Variants in NRXN1 observed in about 807,000 individuals in gnomAD.
The protein encoded by NRXN1 is neurexin 1.
In NRXN1, 39 loss-of-function variants were observed where a neutral mutation model predicts 150.9. The ratio of observed to expected loss-of-function variants is 0.26; its 90% CI spans 0.20 to 0.34. The LOEUF (loss-of-function observed/expected upper bound fraction) is 0.34. NRXN1 is among the 10% of genes least tolerant of loss of function. The pLI, the probability that NRXN1 is intolerant of heterozygous loss-of-function variation, is 1.00. For missense variants in NRXN1, 1,815 were observed against 1,949.9 expected, an observed-to-expected ratio of 0.93 and a Z score of 1.30; for synonymous variants, 924 against 757.0, an observed-to-expected ratio of 1.22 and a Z score of -3.62.
intron 5 of NRXN1, among the ~76,000 whole-genome samples, chr2:50,626,633 C>T (rs961541317): frequency 2.0e-5 from 3 of 151,796 alleles, no homozygotes; most frequent in Middle Eastern, 6.8e-3. Flanking sequence ...CATGGATGCC[C>T]GATTTAATTT....
At chr2:50,199,342 G>A (rs2061995524) in intron 18 of NRXN1, 1 of 151,898 alleles carries the variant, frequency 6.6e-6, no homozygotes, top group Non-Finnish European at 1.5e-5. Context: ...TTTGAAACCA[G>A]GTTTGCTTCT....
At chr2:50,354,235 T>C (rs2078627161) in intron 17 of NRXN1, among the ~76,000 whole-genome samples, 1 of 152,140 alleles carries the variant, frequency 6.6e-6, no homozygotes, top group Admixed American at 6.6e-5. Flanking sequence ...AAATTCTCTT[T>C]ACTACAGTTA....
At chr2:50,785,884 ATCCTGAATCTATTTTCAT>A (rs1705048226) in intron 5 of NRXN1, among the ~76,000 whole-genome samples, 1 of 152,070 alleles carries the variant, frequency 6.6e-6, no homozygotes, top group South Asian at 2.1e-4. Context: ...CTACTATTAT[ATCCTGAATCTATTTTCAT>A]TCCTGAAGTC....
intron 19 of NRXN1, among the ~76,000 whole-genome samples, chr2:50,088,647 A>G (rs1276167748): frequency 2.6e-5 from 4 of 152,214 alleles, no homozygotes; most frequent in Non-Finnish European, 5.9e-5. Flanking sequence ...GCTCATTTCT[A>G]TTTTTAAACA....
intron 18 of NRXN1, among the ~76,000 whole-genome samples, chr2:50,172,456 G>A (rs1250328619): frequency 1.3e-5 from 2 of 152,052 alleles, no homozygotes; most frequent in Non-Finnish European, 2.9e-5. Context: ...ATGGACAACA[G>A]AGATGAACCA....
At chr2:50,032,749 T>C (rs1308447985) in intron 21 of NRXN1, among the ~76,000 whole-genome samples, 1 of 151,880 alleles carries the variant, frequency 6.6e-6, no homozygotes, top group African/African-American at 2.4e-5. Context: ...AGAGCTCTTT[T>C]TCCCTGTACA....
At chr2:50,305,546 T>C (rs2074538076) in intron 17 of NRXN1, among the ~76,000 whole-genome samples, 2 of 152,202 alleles carry the variant, frequency 1.3e-5, no homozygotes, top group South Asian at 4.1e-4. Flanking sequence ...GGCCAATGGA[T>C]TCAAAATACT....
chr2:50,583,668 G>A (rs1453024130), intron 8 of NRXN1, among the ~76,000 whole-genome samples: 1 of 152,138 alleles, frequency 6.6e-6, no homozygotes, highest in African/African-American at 2.4e-5. Context: ...ACCCGAAGTG[G>A]TACAGGCATT....
chr2:50,785,272 G>C (rs1174230766), intron 5 of NRXN1, among the ~76,000 whole-genome samples: 1 of 129,660 alleles, frequency 7.7e-6, no homozygotes, highest in African/African-American at 2.8e-5. Flanking sequence ...TTTTTGAGAC[G>C]GAGTCTCATT....
At chr2:50,827,798 G>A (rs990477262) in intron 5 of NRXN1, among the ~76,000 whole-genome samples, 1 of 150,546 alleles carries the variant, frequency 6.6e-6, no homozygotes. Context: ...TTAGGGAGTG[G>A]TGATGACTCT....
chr2:50,850,127 G>A lies in NRXN1; in HGVS notation c.832+71742C>T, dbSNP rs1056703544. 1.3e-5 allele frequency among the ~76,000 whole-genome samples: 2 copies of A among 152,062 alleles called. 1 individual carries two copies. Among genetic ancestry groups the A allele is most frequent in the South Asian group, 4.1e-4 (2 of 4,824 alleles). ...TGGTCCCAGCCACTGGAGAGGCTGA[G>A]GCAGGCAGTAGGATCACTTGAGCCC... is the stretch of plus-strand genomic sequence containing the variant. On this transcript the variant is annotated intron_variant, in intron 5 of 22. Coordinates refer to ENST00000401669, the MANE Select transcript of NRXN1 (RefSeq NM_001330078.2).
chr2:50,783,486 C>A (rs1704629896), intron 5 of NRXN1, among the ~76,000 whole-genome samples: 1 of 152,078 alleles, frequency 6.6e-6, no homozygotes, highest in Non-Finnish European at 1.5e-5. Context: ...GAGAATAAAA[C>A]AAAATCATAG....
chr2:50,589,419 T>G (rs1481125928), intron 8 of NRXN1: 1 of 152,236 alleles, frequency 6.6e-6, no homozygotes, highest in Admixed American at 6.5e-5. Flanking sequence ...CCGTTCCAGG[T>G]GGACATGGCT....
At chr2:50,831,083 C>T (rs900750933) in intron 5 of NRXN1, among the ~76,000 whole-genome samples, 4 of 152,136 alleles carry the variant, frequency 2.6e-5, no homozygotes, top group African/African-American at 9.7e-5. Context: ...TTTATCCTTT[C>T]GGTTACAAAC....
chr2:50,893,917 A>G (rs1158499598), intron 5 of NRXN1, among the ~76,000 whole-genome samples: 5 of 152,052 alleles, frequency 3.3e-5, no homozygotes, highest in Non-Finnish European at 2.9e-5. Flanking sequence ...CCATGTCCCT[A>G]CAAAGGACAT....
At chr2:50,477,587 T>A (rs1287964130) in intron 15 of NRXN1, among the ~76,000 whole-genome samples, 2 of 152,232 alleles carry the variant, frequency 1.3e-5, no homozygotes, top group African/African-American at 4.8e-5. Context: ...AATGCAAGTG[T>A]CAAGGTATAA....
At chr2:50,415,852 TAGAC>T (rs2083495928) in intron 17 of NRXN1, among the ~76,000 whole-genome samples, 1 of 148,248 alleles carries the variant, frequency 6.7e-6, no homozygotes, top group African/African-American at 2.5e-5. Flanking sequence ...CAGAAAAAAA[TAGAC>T]AAACTCTGTA....
At chr2:50,074,512 T>C (rs1033865522) in intron 19 of NRXN1, among the ~76,000 whole-genome samples, 1 of 152,134 alleles carries the variant, frequency 6.6e-6, no homozygotes, top group Non-Finnish European at 1.5e-5. Flanking sequence ...TAATATGTAA[T>C]GTCTGTAAAG....
At chr2:50,391,982 T>G (rs78395842) in intron 17 of NRXN1, among the ~76,000 whole-genome samples, 2,234 of 152,266 alleles carry the variant, frequency 0.015, 55 homozygotes, top group African/African-American at 0.049. Context: ...CTCTGCAGAT[T>G]AATTTTTGCT....
Sources: gnomAD v4.1 joint callset for allele counts (sites outside exome capture counted in the v4.1 genomes callset) on GRCh38, gnomAD v4.1.1 for gene constraint, MANE v1.5 for transcripts, NCBI Gene and HGNC (gene_info 2026-07-23, HGNC 2026-07-21) for gene names.